Variants in THOC2 observed in about 807,000 individuals in gnomAD.
The protein encoded by THOC2 is THO complex subunit 2.
A neutral mutation model predicts 128.4 loss-of-function variants in THOC2; 10 were observed. The observed-to-expected ratio is 0.08, with a 90% CI of 0.05 to 0.13. THOC2 has a LOEUF of 0.13. Ranked by LOEUF, THOC2 falls within the 10% of genes least tolerant of loss-of-function variation. The pLI is 1.00. For missense variants in THOC2, 535 were observed against 1,155.7 expected (o/e 0.46, Z 7.79); for synonymous variants, 393 against 396.9 (o/e 0.99, Z 0.12).
chrX:123,632,768 G>T, intron 21 of THOC2, 93 bp downstream of exon 21: 1 of 724,867 alleles, frequency 1.4e-6, no homozygotes, highest in Non-Finnish European at 2.0e-6. Context: ...TTCAAATGAT[G>T]TGCAAAAATG....
chrX:123,632,614 G>A (rs181150122), intron 21 of THOC2, among the ~76,000 whole-genome samples: 1 of 109,917 alleles, frequency 9.1e-6, no homozygotes, highest in African/African-American at 3.3e-5. Flanking sequence ...CAAACAACTT[G>A]AAGTTGCAGG....
chrX:123,674,978 C>T (rs1408403253), intron 8 of THOC2, among the ~76,000 whole-genome samples: 2 of 111,095 alleles, frequency 1.8e-5, no homozygotes, highest in Non-Finnish European at 3.8e-5. Context: ...ACATGTACCC[C>T]GAGTCTAAAA....
At position 123,606,538 on chromosome X, in the gene THOC2, G is replaced by A. The variant is rs764592346; in HGVS notation, c.*18+4380C>T. 9.0e-5 allele frequency among the ~76,000 whole-genome samples: 10 copies of A among 111,463 alleles called. 1 individual carries two copies. The South Asian group carries it at 3.8e-3, about 42-fold the overall frequency. On this transcript the variant is annotated intron_variant, in intron 38 of 38. Transcript: ENST00000245838. ...GAACCCAGGGGGTAGAGGTTGCAGT[G>A]AGCCAAGATCGCACCACTGCACTCC...
chrX:123,640,042 C>A (rs188121538), intron 16 of THOC2, among the ~76,000 whole-genome samples: 1 of 111,299 alleles, frequency 9.0e-6, no homozygotes, highest in East Asian at 2.8e-4. Context: ...AAAAAATTAG[C>A]CAAGTGCAGT....
At chrX:123,683,766 A>G (rs2049889352) in intron 8 of THOC2, among the ~76,000 whole-genome samples, 2 of 110,171 alleles carry the variant, frequency 1.8e-5, no homozygotes, top group Admixed American at 1.9e-4. Flanking sequence ...ACACCCGGCT[A>G]ATTTTGTATT....
chrX:123,658,694 G>A (rs1029691366), intron 12 of THOC2, among the ~76,000 whole-genome samples: 1 of 112,395 alleles, frequency 8.9e-6, no homozygotes, highest in African/African-American at 3.2e-5. Context: ...CAGGGGTTGT[G>A]AGGAGAGAGG....
At chrX:123,675,935 C>CA (rs1447539437) in intron 8 of THOC2, among the ~76,000 whole-genome samples, 1 of 111,921 alleles carries the variant, frequency 8.9e-6, no homozygotes, top group Non-Finnish European at 1.9e-5. Context: ...GAACACTCCT[C>CA]AAAGTTTGGC....
intron 9 of THOC2, among the ~76,000 whole-genome samples, chrX:123,669,793 C>T (rs1436088166): frequency 3.6e-5 from 4 of 111,760 alleles, no homozygotes; most frequent in East Asian, 2.8e-4. Context: ...TGAAGTAGCC[C>T]GCTTTATCTC....
chrX:123,706,962 A>G lies in THOC2; in HGVS notation c.131-13T>C. The G allele has an allele frequency of 1.0e-6, 1 of 971,106 alleles. No homozygotes were observed. The highest frequency in any genetic ancestry group is 1.4e-6 in the Non-Finnish European group (1 of 710,645). The allele number at this position is 971,106 out of a possible 1,213,427, so 80.0% of individuals were successfully genotyped here. On this transcript the variant is annotated splice_polypyrimidine_tract_variant and intron_variant, in intron 2 of 38. Transcript: ENST00000245838. ...GCTTGCTGGAAATCTGTTGAACATA[A>G]GAGAAATAATGTAAGGATACAGTCT...
Position 123,622,795 on chromosome X carries a change from T to C in THOC2, c.3748A>G (p.Lys1250Glu). Residue 1250 changes from lysine (K) to glutamate (E), a missense_variant, in exon 30 of 39, where the codon AAA becomes GAA. Around this residue, in one of 9 missense-constraint regions of THOC2, gnomAD observed 116 missense variants for 180.0 expected, o/e 0.64. Coordinates refer to ENST00000245838, the MANE Select transcript of THOC2 (RefSeq NM_001081550.2). ...AVNKASSTTP[K>E]GNSSNGNSGS... is the part of the protein sequence containing the mutation. ...CTATTTCCATTGCTTGAATTCCCTT[T>C]AGGTGTGGTACTAGAAGCTTTATTA... 1 of 1,203,394 alleles carries C rather than the reference T, an allele frequency of 8.3e-7. No individual in the cohort carries two copies. The highest frequency in any genetic ancestry group is 1.7e-5 in the African/African-American group (1 of 57,710).
intron 9 of THOC2, among the ~76,000 whole-genome samples, chrX:123,670,444 C>A (rs1020603354): frequency 8.9e-6 from 1 of 112,047 alleles, no homozygotes; most frequent in African/African-American, 3.2e-5. Flanking sequence ...CATGGTGAAA[C>A]CCCATCTCCA....
intron 12 of THOC2, among the ~76,000 whole-genome samples, chrX:123,657,270 C>T (rs1308568825): frequency 1.8e-5 from 2 of 109,709 alleles, no homozygotes; most frequent in Non-Finnish European, 3.8e-5. Flanking sequence ...AAAACTGTAA[C>T]ATATGCATAA....
At chrX:123,628,579 C>T (rs766342395) in intron 22 of THOC2, among the ~76,000 whole-genome samples, 298 of 110,355 alleles carry the variant, frequency 2.7e-3, no homozygotes, top group Non-Finnish European at 4.3e-3. Context: ...GGCGTGGTGG[C>T]GCAGGCCTGT....
chrX:123,675,071 C>T (rs933213172), intron 8 of THOC2, among the ~76,000 whole-genome samples: 1 of 112,123 alleles, frequency 8.9e-6, no homozygotes, highest in African/African-American at 3.2e-5. Flanking sequence ...AGAGGACTTA[C>T]AAACCACAAA....
intron 2 of THOC2, among the ~76,000 whole-genome samples, chrX:123,707,866 A>G (rs2050998380): frequency 9.1e-6 from 1 of 109,572 alleles, no homozygotes; most frequent in Non-Finnish European, 1.9e-5. Flanking sequence ...AGTGGCTCAC[A>G]CCTAAAATCC....
intron 7 of THOC2, among the ~76,000 whole-genome samples, chrX:123,690,519 A>G (rs2050177017): frequency 9.0e-6 from 1 of 111,320 alleles, no homozygotes; most frequent in Non-Finnish European, 1.9e-5. Context: ...CAAAGATAGA[A>G]AAAATAACCA....
At position 123,726,970 on chromosome X, in the gene THOC2, G is replaced by T. The variant is rs778672045; in HGVS notation, c.71+5982C>A. On this transcript the variant is annotated intron_variant, in intron 1 of 38. Coordinates refer to ENST00000245838, the MANE Select transcript of THOC2 (RefSeq NM_001081550.2). ...ATCCCAGCACTTTGGGAGGCTGAGG[G>T]GGGAGGATCACTTGAAGCCAGGAGT... Among the ~76,000 whole-genome samples, 3 of 111,579 alleles carry T rather than the reference G, an allele frequency of 2.7e-5. No individual in the cohort carries two copies. In the South Asian group the frequency reaches 1.1e-3, roughly 42 times the overall value.
At chrX:123,631,938 C>A in intron 21 of THOC2, 86 bp from the exon 22 acceptor site, 1 of 907,681 alleles carries the variant, frequency 1.1e-6, no homozygotes, top group Non-Finnish European at 1.5e-6. Flanking sequence ...ATTAAGAATC[C>A]AAATTTTATA....
intron 33 of THOC2, among the ~76,000 whole-genome samples, chrX:123,614,554 AAAAG>A (rs2046819293): frequency 9.1e-6 from 1 of 110,377 alleles, no homozygotes; most frequent in Non-Finnish European, 1.9e-5. Flanking sequence ...AAAAAAAAGA[AAAAG>A]AAAAAAACAC....
Sources: allele counts gnomAD v4.1 joint callset (sites outside exome capture counted in the v4.1 genomes callset), GRCh38; gene constraint gnomAD v4.1.1; regional missense constraint gnomAD v4.1.1; transcripts MANE v1.5; gene names NCBI Gene and HGNC (gene_info 2026-07-23, HGNC 2026-07-21).